Variants in ANKRD44 observed in about 807,000 individuals in gnomAD.
ANKRD44 encodes ankyrin repeat domain 44, also known as serine/threonine-protein phosphatase 6 regulatory ankyrin repeat subunit B.
Under a neutral mutation model 116.0 loss-of-function variants are expected in ANKRD44, and 35 were observed. That is an observed-to-expected ratio of 0.30 (90% CI 0.23 to 0.40). The LOEUF (loss-of-function observed/expected upper bound fraction) is 0.40, where lower values mean the gene tolerates loss of function less well. ANKRD44 is among the 10% of genes least tolerant of loss of function. The pLI is 1.00. For missense variants in ANKRD44, 1,014 were observed against 1,242.6 expected, an observed-to-expected ratio of 0.82 and a Z score of 2.77; for synonymous variants, 435 against 461.8, an observed-to-expected ratio of 0.94 and a Z score of 0.74.
In ANKRD44 at chr2:196,971,001, C is replaced by A. The variant is rs1029290216; in HGVS notation, c.2369-3555G>T. ...TACAGGCATAAGCCACCACGACTGG[C>A]CAATATTTTAATTTTTTCTATGTTA... On this transcript the variant is annotated intron_variant, in intron 21 of 21. Transcript: ENST00000424317. 2.6e-5 allele frequency among the ~76,000 whole-genome samples: 4 copies of A among 152,200 alleles called. No homozygotes were observed. The East Asian group carries it at 7.7e-4, about 29-fold the overall frequency.
intron 16 of ANKRD44, among the ~76,000 whole-genome samples, chr2:197,064,628 C>CA (rs901956696): frequency 5.3e-5 from 8 of 150,676 alleles, no homozygotes; most frequent in Non-Finnish European, 8.9e-5. Context: ...AAATGGAAAA[C>CA]AAAAAAAAGG....
chr2:197,299,546 T>C (rs997889953), intron 1 of ANKRD44: 1 of 152,180 alleles, frequency 6.6e-6, no homozygotes, highest in African/African-American at 2.4e-5. Context: ...CTGGATGGAA[T>C]TGGAGACGAT....
rs2078611587 is a variant in ANKRD44, at chr2:197,112,656, C to T, written c.907-1812G>A. 2.1e-5 allele frequency among the ~76,000 whole-genome samples: 3 copies of T among 143,698 alleles called. 1 individual carries two copies. The highest frequency in any genetic ancestry group is 4.3e-4 in the South Asian group (2 of 4,642). The allele number at this position is 143,698 out of a possible 152,430, so 94.3% of individuals were successfully genotyped here. A position where few individuals can be genotyped will look rare whatever the true frequency, so the allele number is the denominator to read the frequency against. On this transcript the variant is annotated intron_variant, in intron 8 of 27. Transcript: ENST00000282272. ...CCGGGAGGCGGAGTTTGCAGTGAGC[C>T]GAAATCGTGCCACTGCACTCCAGCC...
At chr2:197,278,208 T>C (rs537694381) in intron 1 of ANKRD44, among the ~76,000 whole-genome samples, 42 of 152,098 alleles carry the variant, frequency 2.8e-4, no homozygotes, top group Non-Finnish European at 5.0e-4. Context: ...AAGGGGTGTT[T>C]AACTGGCTGT....
In ANKRD44 at chr2:196,989,456, C is replaced by T. The variant is rs1194317682; in HGVS notation, c.*135G>A. 4 of 1,273,866 alleles carry T rather than the reference C, an allele frequency of 3.1e-6. No individual in the cohort carries two copies. The highest frequency in any genetic ancestry group is 1.5e-5 in the African/African-American group (1 of 65,212). The allele number at this position is 1,273,866 out of a possible 1,614,324, so 78.9% of individuals were successfully genotyped here. ...CATTTTGAAGGAAAAAAATGTGTAT[C>T]TTCCATTTTAGACTGAAGCATTTTG... On this transcript the variant is annotated 3_prime_UTR_variant, in exon 28 of 28. Transcript: ENST00000282272.
chr2:197,001,222 A>C (rs1000418356), intron 22 of ANKRD44, among the ~76,000 whole-genome samples: 1 of 152,254 alleles, frequency 6.6e-6, no homozygotes, highest in African/African-American at 2.4e-5. Flanking sequence ...ATGGAAGCCC[A>C]GTTGAAAACA....
At chr2:197,068,889 G>A (rs1442226752) in intron 16 of ANKRD44, among the ~76,000 whole-genome samples, 1 of 152,188 alleles carries the variant, frequency 6.6e-6, no homozygotes, top group Admixed American at 6.5e-5. Flanking sequence ...AGACAGTGTG[G>A]CGATTCCTCG....
chr2:197,230,579 A>G (rs139861717), intron 1 of ANKRD44, among the ~76,000 whole-genome samples: 155 of 152,272 alleles, frequency 1.0e-3, no homozygotes, highest in African/African-American at 3.5e-3. Flanking sequence ...ATTAAAAAGT[A>G]TTTTTATGGC....
chr2:196,983,795 T>C (rs560489214), downstream of ANKRD44, among the ~76,000 whole-genome samples: 25 of 152,330 alleles, frequency 1.6e-4, no homozygotes, highest in Admixed American at 6.5e-4. Context: ...AAGTACTGTG[T>C]TGTCAGAGCT....
intron 15 of ANKRD44, 150 bp downstream of exon 15, chr2:197,081,495 T>C (rs2077794536): frequency 2.9e-6 from 2 of 694,348 alleles, no homozygotes; most frequent in Admixed American, 2.4e-5. Context: ...ATTAAAAGAA[T>C]AGTTTCTTCC....
At chr2:197,226,054 T>G (rs1031267053) in intron 1 of ANKRD44, among the ~76,000 whole-genome samples, 5 of 152,360 alleles carry the variant, frequency 3.3e-5, no homozygotes, top group South Asian at 2.1e-4. Context: ...ATCAATGGCA[T>G]AGCTTCAATA....
In ANKRD44 at chr2:197,005,827, C is replaced by G. The variant is rs753205262; in HGVS notation, c.2214G>C (p.Thr738=). The G allele has an allele frequency of 6.2e-7, 1 of 1,614,154 alleles. No homozygotes were observed. The highest frequency in any genetic ancestry group is 1.3e-5 in the African/African-American group (1 of 74,950). The change falls in exon 21 of 28, where the codon ACG becomes ACC. Residue 738 remains threonine (T), a synonymous_variant. Coordinates refer to ENST00000282272, the MANE Select transcript of ANKRD44 (RefSeq NM_001195144.2). ...CACGAGCAGCTGCATAGTGCAAGGG[C>G]GTCCTCCCTCTGGAATCTTTACAGA... The part of the protein sequence containing the change: ...SILCKDSRGR[T]PLHYAAARGH...
chr2:197,111,909 G>A (rs913148661), intron 8 of ANKRD44, among the ~76,000 whole-genome samples: 2 of 152,094 alleles, frequency 1.3e-5, no homozygotes, highest in Non-Finnish European at 2.9e-5. Flanking sequence ...ATGACCAGCT[G>A]GGAATGTGTG....
rs1003593367 is a variant in ANKRD44, at chr2:197,099,884, A to G, written c.1032T>C (p.His344=). The change falls in exon 10 of 28, where the codon CAT becomes CAC. Residue 344 remains histidine, a synonymous_variant. Transcript: ENST00000282272. ...CVDKDGNTPL[H]VAARYGHELL... The stretch of plus-strand genomic sequence containing the variant: ...GCTCATGACCGTATCTTGCAGCCAC[A>G]TGGAGAGGAGTGTTGCCGTCCTTAT... The G allele has an allele frequency of 1.9e-6, 3 of 1,614,012 alleles. No homozygotes were observed. The highest frequency in any genetic ancestry group is 1.1e-5 in the South Asian group (1 of 91,086).
intron 17 of ANKRD44, among the ~76,000 whole-genome samples, chr2:197,017,266 T>C (rs1457771170): frequency 6.6e-6 from 1 of 152,148 alleles, no homozygotes; most frequent in African/African-American, 2.4e-5. Flanking sequence ...ATCTCATATA[T>C]ATAGGCTTCT....
chr2:197,296,511 A>G (rs1490428219), intron 1 of ANKRD44: 2 of 152,230 alleles, frequency 1.3e-5, no homozygotes, highest in Non-Finnish European at 2.9e-5. Context: ...GTTCAACAGC[A>G]TCTCCAACAC....
At position 197,114,585 on chromosome 2, in the gene ANKRD44, C is replaced by T. The variant is rs529489157; in HGVS notation, c.907-3741G>A. On this transcript the variant is annotated intron_variant, in intron 8 of 27. Coordinates refer to ENST00000282272, the MANE Select transcript of ANKRD44 (RefSeq NM_001195144.2). ...TTCACTTTTTCTTTTATTCCTAATG[C>T]CTTCTTTCCTCATCTTCCAATATCC... Among the ~76,000 whole-genome samples the T allele has an allele frequency of 3.3e-5, 5 of 152,286 alleles. No homozygotes were observed. In the East Asian group the frequency reaches 9.7e-4, roughly 29 times the overall value.
chr2:197,270,409 C>A (rs1362301893), intron 1 of ANKRD44, among the ~76,000 whole-genome samples: 1 of 152,036 alleles, frequency 6.6e-6, no homozygotes, highest in African/African-American at 2.4e-5. Context: ...AAAGAATAAT[C>A]CCCACAGTTT....
intron 1 of ANKRD44, among the ~76,000 whole-genome samples, chr2:197,200,463 C>T (rs912799530): frequency 7.2e-5 from 11 of 152,250 alleles, no homozygotes; most frequent in Admixed American, 3.9e-4. Context: ...TAAACACCCT[C>T]TTCTCATACT....
Sources: gnomAD v4.1 joint callset for allele counts (sites outside exome capture counted in the v4.1 genomes callset) on GRCh38, gnomAD v4.1.1 for gene constraint, MANE v1.5 for transcripts, NCBI Gene and HGNC (gene_info 2026-07-23, HGNC 2026-07-21) for gene names.